Variants in MAP3K20 observed in about 807,000 individuals in gnomAD.
The protein encoded by MAP3K20 is HCCS-4.
Under a neutral mutation model 85.7 loss-of-function variants are expected in MAP3K20, and 40 were observed. The ratio of observed to expected loss-of-function variants is 0.47; its 90% confidence interval spans 0.36 to 0.61. MAP3K20 has a LOEUF of 0.61. Ranked by LOEUF, MAP3K20 falls within the 20% of genes least tolerant of loss-of-function variation. The pLI is 0.00. For missense variants in MAP3K20, 817 were observed against 961.7 expected (o/e 0.85, Z 1.99); for synonymous variants, 325 against 327.7 (o/e 0.99, Z 0.09).
rs190650123 is a variant in MAP3K20 at position 173,147,083 on chromosome 2, G to A, written c.160-22722G>A. Among the ~76,000 whole-genome samples the A allele has an allele frequency of 1.2e-4, 19 of 152,244 alleles. No individual in the cohort carries two copies. In the East Asian group the frequency reaches 3.5e-3, roughly 28 times the overall value. On this transcript the variant is annotated intron_variant, in intron 2 of 19. Transcript: ENST00000375213. Reference sequence around the variant, plus strand: ...TTTTGTTATTGAGTTGTAAGAATTTGTATATATTCCACATACTAGTCCCTT... The same window carrying A: ...TTTTGTTATTGAGTTGTAAGAATTTATATATATTCCACATACTAGTCCCTT...
chr2:173,194,524 G>A (rs1214445630), intron 7 of MAP3K20, among the ~76,000 whole-genome samples: 1 of 152,110 alleles, frequency 6.6e-6, no homozygotes, highest in Non-Finnish European at 1.5e-5. Flanking sequence ...TTGGGACCAT[G>A]TTAGTTTTAG....
At chr2:173,093,873 G>A (rs1249884079) in intron 2 of MAP3K20, among the ~76,000 whole-genome samples, 1 of 151,566 alleles carries the variant, frequency 6.6e-6, no homozygotes, top group Non-Finnish European at 1.5e-5. Context: ...ATCATTCTCA[G>A]TAAACTATCG....
intron 9 of MAP3K20, among the ~76,000 whole-genome samples, chr2:173,209,218 C>G (rs1457074493): frequency 1.3e-5 from 2 of 151,974 alleles, no homozygotes; most frequent in African/African-American, 4.8e-5. Flanking sequence ...TTTTTTCTGA[C>G]AAACCAATTT....
In MAP3K20 at chr2:173,118,595, T is replaced by C. The variant is rs375527235; in HGVS notation, c.159+27405T>C. Among the ~76,000 whole-genome samples the C allele has an allele frequency of 2.6e-5, 4 of 152,306 alleles. No homozygotes were observed. In the East Asian group the frequency reaches 7.7e-4, roughly 29 times the overall value. ...CTCCAGCTTTGGTGTTCACAAGGCC[T>C]TGTTCTGAGTACCATGATCTTACGG... On this transcript the variant is annotated intron_variant, in intron 2 of 19. Coordinates refer to ENST00000375213, the MANE Select transcript of MAP3K20 (RefSeq NM_016653.3).
intron 5 of MAP3K20, among the ~76,000 whole-genome samples, chr2:173,189,561 A>G (rs967296131): frequency 6.6e-6 from 1 of 152,232 alleles, no homozygotes; most frequent in African/African-American, 2.4e-5. Flanking sequence ...TGCTGATTAG[A>G]CACATCCACA....
chr2:173,151,552 T>C (rs1689307945), intron 2 of MAP3K20, among the ~76,000 whole-genome samples: 1 of 152,232 alleles, frequency 6.6e-6, no homozygotes, highest in South Asian at 2.1e-4. Flanking sequence ...TGTTAGAACA[T>C]TTACTGTATA....
chr2:173,208,940 C>G (rs1389899535), intron 9 of MAP3K20, among the ~76,000 whole-genome samples: 1 of 152,146 alleles, frequency 6.6e-6, no homozygotes, highest in Non-Finnish European at 1.5e-5. Context: ...ATAGTTACTG[C>G]CAGCTCAAGA....
At chr2:173,100,970 G>A (rs537744974) in intron 2 of MAP3K20, among the ~76,000 whole-genome samples, 1 of 152,200 alleles carries the variant, frequency 6.6e-6, no homozygotes, top group South Asian at 2.1e-4. Flanking sequence ...GACACTCCAA[G>A]GTGAACTGCT....
In MAP3K20 at chr2:173,084,397, C is replaced by T. The variant is rs534023570; in HGVS notation, c.-34-6601C>T. Among the ~76,000 whole-genome samples, 224 of 142,652 alleles carry T rather than the reference C, an allele frequency of 1.6e-3. 1 individual carries two copies. Among genetic ancestry groups the T allele is most frequent in the Non-Finnish European group, 2.7e-3 (179 of 66,408 alleles). The allele number at this position is 142,652 out of a possible 152,430, so 93.6% of individuals were successfully genotyped here. On this transcript the variant is annotated intron_variant, in intron 1 of 19. Transcript: ENST00000375213. ...GAGTGCTATCATTGAATAAATAGATCTTAGCAATGCTAATGTCCAAAAAGT... is the reference window on the plus strand; with the variant it reads ...GAGTGCTATCATTGAATAAATAGATTTTAGCAATGCTAATGTCCAAAAAGT...
chr2:173,145,096 A>G (rs1206980894), intron 2 of MAP3K20, among the ~76,000 whole-genome samples: 3 of 152,188 alleles, frequency 2.0e-5, no homozygotes, highest in Non-Finnish European at 4.4e-5. Flanking sequence ...ATCCAGGGTA[A>G]ACCTAAATGT....
intron 2 of MAP3K20, among the ~76,000 whole-genome samples, chr2:173,162,055 T>C (rs1449740288): frequency 6.6e-6 from 1 of 152,210 alleles, no homozygotes; most frequent in Non-Finnish European, 1.5e-5. Flanking sequence ...TACATAGACT[T>C]ATTGTAAAGA....
intron 2 of MAP3K20, among the ~76,000 whole-genome samples, chr2:173,121,744 C>A (rs577477119): frequency 6.6e-6 from 1 of 152,082 alleles, no homozygotes; most frequent in East Asian, 1.9e-4. Context: ...GATGCCCCCC[C>A]GCCGCCCACC....
chr2:173,177,443 A>ATTTTTTTTT (rs71403359), intron 3 of MAP3K20, among the ~76,000 whole-genome samples: 3 of 126,600 alleles, frequency 2.4e-5, no homozygotes, highest in Non-Finnish European at 4.8e-5. Flanking sequence ...ATCACAATAG[A>ATTTTTTTTT]TTTTTTTTTT....
At position 173,229,685 on chromosome 2, in the gene MAP3K20, G is replaced by A; in HGVS notation, c.988-4G>A. On this transcript the variant is annotated splice_region_variant and splice_polypyrimidine_tract_variant and intron_variant, in intron 11 of 19. Coordinates refer to ENST00000375213, the MANE Select transcript of MAP3K20 (RefSeq NM_016653.3). Reference sequence around the variant, plus strand: ...TTTTCATTTCATGCATATTTCCCATGCAGCTGCTGCCTTCCTTTGAGATTG... The same window carrying A: ...TTTTCATTTCATGCATATTTCCCATACAGCTGCTGCCTTCCTTTGAGATTG... 1 of 1,613,826 alleles carries A rather than the reference G, an allele frequency of 6.2e-7. No individual in the cohort carries two copies. The highest frequency in any genetic ancestry group is 8.5e-7 in the Non-Finnish European group (1 of 1,179,950).
chr2:173,128,312 CTTATTTATTTAT>C (rs59187122), intron 2 of MAP3K20, among the ~76,000 whole-genome samples: 3,533 of 145,922 alleles, frequency 0.024, 66 homozygotes, highest in Admixed American at 0.043. Flanking sequence ...TTATAGTTGA[CTTATTTATTTAT>C]TTATTTATTT....
intron 2 of MAP3K20, among the ~76,000 whole-genome samples, chr2:173,115,029 TC>T (rs1269357340): frequency 1.3e-5 from 2 of 152,220 alleles, no homozygotes; most frequent in Non-Finnish European, 2.9e-5. Context: ...CTCTTCTTCC[TC>T]AGGAACACCA....
At chr2:173,215,145 G>A (rs1392138515) in intron 10 of MAP3K20, among the ~76,000 whole-genome samples, 1 of 152,202 alleles carries the variant, frequency 6.6e-6, no homozygotes, top group Admixed American at 6.5e-5. Flanking sequence ...ATAGAATGTA[G>A]TGGCCATTTA....
chr2:173,177,762 G>A (rs776765149), intron 3 of MAP3K20, among the ~76,000 whole-genome samples: 1 of 152,116 alleles, frequency 6.6e-6, no homozygotes, highest in East Asian at 1.9e-4. Flanking sequence ...ATATTTTGGA[G>A]TGAAAGAAAA....
intron 2 of MAP3K20, among the ~76,000 whole-genome samples, chr2:173,138,160 G>A (rs1160237316): frequency 6.6e-6 from 1 of 151,950 alleles, no homozygotes; most frequent in African/African-American, 2.4e-5. Context: ...CAGTAGAGAC[G>A]GGGTTTCATT....
Sources: allele counts gnomAD v4.1 joint callset (sites outside exome capture counted in the v4.1 genomes callset), GRCh38; gene constraint gnomAD v4.1.1; transcripts MANE v1.5; gene names NCBI Gene and HGNC (gene_info 2026-07-23, HGNC 2026-07-21).